MBP: variants seen among roughly 807,000 people sequenced by gnomAD.
MBP encodes the protein myelin basic protein.
A neutral mutation model predicts 35.8 loss-of-function variants in MBP; 16 were observed. That is an observed-to-expected ratio of 0.45 (90% CI 0.30 to 0.68). The LOEUF is 0.68. MBP is among the 30% of genes least tolerant of loss of function. The pLI, the probability that MBP is intolerant of heterozygous loss-of-function variation, is 0.08. For synonymous variants in MBP, 143 were observed against 159.6 expected (o/e 0.90, Z 0.78); for missense variants, 380 against 404.7 (o/e 0.94, Z 0.52).
intron 2 of MBP, among the ~76,000 whole-genome samples, chr18:77,092,923 C>T (rs937499016): frequency 7.2e-5 from 11 of 152,228 alleles, no homozygotes; most frequent in African/African-American, 2.7e-4. Flanking sequence ...TTCGCTGTTT[C>T]TGACTTCACA....
chr18:77,089,035 G>T (rs1185078068), intron 2 of MBP, among the ~76,000 whole-genome samples: 1 of 152,244 alleles, frequency 6.6e-6, no homozygotes, highest in Non-Finnish European at 1.5e-5. Flanking sequence ...TTGCATCACA[G>T]GCCTTGGTTC....
intron 8 of MBP, chr18:76,980,869 A>C: frequency 5.0e-6 from 1 of 200,266 alleles, no homozygotes; most frequent in South Asian, 8.6e-5. Flanking sequence ...AACAGGAGCA[A>C]CTTCTTTTTC....
intron 2 of MBP, among the ~76,000 whole-genome samples, chr18:77,098,995 C>T (rs1027229506): frequency 2.6e-5 from 4 of 151,772 alleles, no homozygotes; most frequent in African/African-American, 7.3e-5. Flanking sequence ...CCCTCCTCTC[C>T]ATCCTCCCCG....
chr18:77,081,419 A>C lies in MBP; in HGVS notation c.52-15034T>G, dbSNP rs552535051. Among the ~76,000 whole-genome samples the C allele has an allele frequency of 2.6e-5, 4 of 152,380 alleles. No individual in the cohort carries two copies. The East Asian group carries it at 7.7e-4, about 29-fold the overall frequency. On this transcript the variant is annotated intron_variant, in intron 2 of 8. Transcript: ENST00000355994. ...AATTTGAATAGACATTTCTTTAAAA[A>C]AGATACACAAATGACCAGTTAGCAC...
rs187721340 is a variant in MBP at position 77,090,881 on chromosome 18, C to A, written c.51+14330G>T. ...TTCCCCTGGAGGAGAAGAGAAGGGG[C>A]GACCTCACACAGGACCAGGGCCGGA... On this transcript the variant is annotated intron_variant, in intron 2 of 8. Transcript: ENST00000355994. 4.6e-5 allele frequency among the ~76,000 whole-genome samples: 7 copies of A among 152,272 alleles called. No individual in the cohort carries two copies. The East Asian group carries it at 1.3e-3, about 29-fold the overall frequency.
chr18:77,058,632 C>A (rs1364072276), intron 3 of MBP, among the ~76,000 whole-genome samples: 3 of 152,136 alleles, frequency 2.0e-5, no homozygotes, highest in Non-Finnish European at 4.4e-5. Context: ...TGGAACACGG[C>A]CGCAGTGACT....
chr18:77,062,918 G>C (rs73489013), intron 3 of MBP, among the ~76,000 whole-genome samples: 2,034 of 152,270 alleles, frequency 0.013, 52 homozygotes, highest in African/African-American at 0.047. Flanking sequence ...ATGGCTTTCT[G>C]CCCATTTCTC....
At chr18:77,024,588 C>T (rs1248425330) in intron 3 of MBP, among the ~76,000 whole-genome samples, 2 of 152,230 alleles carry the variant, frequency 1.3e-5, no homozygotes, top group African/African-American at 4.8e-5. Flanking sequence ...GACCGCCTTC[C>T]ACAAGCCCCA....
intron 3 of MBP, among the ~76,000 whole-genome samples, chr18:77,029,759 A>T (rs1014233235): frequency 8.0e-5 from 12 of 150,748 alleles, no homozygotes; most frequent in Non-Finnish European, 1.3e-4. Context: ...TGAGTGTTCT[A>T]TGTTCCCATA....
intron 3 of MBP, among the ~76,000 whole-genome samples, chr18:77,051,624 T>C (rs542336767): frequency 6.6e-6 from 1 of 151,772 alleles, no homozygotes; most frequent in South Asian, 2.1e-4. Flanking sequence ...CTAAGAAGAG[T>C]TGAGGGTTCT....
Position 76,988,571 on chromosome 18 carries a change from A to C in MBP, c.718-44T>G. 14 of 1,591,964 alleles carry C rather than the reference A, an allele frequency of 8.8e-6. No homozygotes were observed. The highest frequency in any genetic ancestry group is 1.1e-5 in the Non-Finnish European group (13 of 1,168,358). On this transcript the variant is annotated intron_variant, in intron 6 of 8. Coordinates refer to ENST00000355994, the MANE Select transcript of MBP (RefSeq NM_001025101.2). This position sits in a 1 kb window ranked among gnomAD's most constrained non-coding sequence, Gnocchi z 5.2. ...GAAATAATGACATGGTGGTCAGTGAAGGGAAAGTCCTTTCAATCAACAGGA... is the reference window on the plus strand; with the variant it reads ...GAAATAATGACATGGTGGTCAGTGACGGGAAAGTCCTTTCAATCAACAGGA...
chr18:76,978,881 A>ACTT lies in MBP; in HGVS notation c.*1543_*1545dup, dbSNP rs1272599278. 2 of 152,184 alleles carry ACTT rather than the reference A, an allele frequency of 1.3e-5. No homozygotes were observed. Among genetic ancestry groups the ACTT allele is most frequent in the Non-Finnish European group, 2.9e-5 (2 of 68,054 alleles). The allele number at this position is 152,184 out of a possible 1,614,324, so 9.4% of individuals were successfully genotyped here. On this transcript the variant is annotated 3_prime_UTR_variant, in exon 9 of 9. Transcript: ENST00000355994. ...ATTTCAATATTCAGGAACAGTGTAC[A>ACTT]CTTTCCGTTCAGCCATCGTCACAGC...
chr18:77,118,732 C>T (rs572284012), intron 1 of MBP, among the ~76,000 whole-genome samples: 20 of 149,882 alleles, frequency 1.3e-4, no homozygotes, highest in Non-Finnish European at 1.2e-4. Context: ...ACCACACACA[C>T]CCTTCACAGA....
chr18:76,985,592 C>T (rs1318536698), intron 7 of MBP: 5 of 1,081,426 alleles, frequency 4.6e-6, no homozygotes, highest in African/African-American at 3.3e-5. Flanking sequence ...GCTGCTGAGC[C>T]GGACAGAGGG....
chr18:77,089,073 A>ACGGGCCCTCCACAGG (rs1975396525), intron 2 of MBP, among the ~76,000 whole-genome samples: 2 of 152,242 alleles, frequency 1.3e-5, no homozygotes, highest in African/African-American at 4.8e-5. Context: ...TTATTCACGT[A>ACGGGCCCTCCACAGG]GCCTGTCACA....
chr18:77,127,855 A>C (rs1417470750), intron 1 of MBP: 3 of 150,996 alleles, frequency 2.0e-5, no homozygotes, highest in Non-Finnish European at 2.9e-5. Flanking sequence ...AGAAGAGCTA[A>C]AATAATAAAA....
intron 3 of MBP, among the ~76,000 whole-genome samples, chr18:77,018,371 C>T (rs1234800685): frequency 2.3e-5 from 2 of 86,698 alleles, no homozygotes; most frequent in Non-Finnish European, 6.6e-5. Flanking sequence ...TACCCACCTA[C>T]CCATCCATCC....
intron 4 of MBP, among the ~76,000 whole-genome samples, chr18:77,008,201 C>T (rs1176968415): frequency 1.3e-5 from 2 of 152,198 alleles, no homozygotes; most frequent in Non-Finnish European, 2.9e-5. Context: ...TTCCTGCACA[C>T]ACAGTGAAAA....
chr18:77,009,755 G>A (rs1211916150), intron 4 of MBP: 19 of 1,156,484 alleles, frequency 1.6e-5, no homozygotes, highest in Non-Finnish European at 2.3e-5. Flanking sequence ...GCCCCTGGCA[G>A]TGACACTACC....
Sources: gnomAD v4.1 joint callset for allele counts (sites outside exome capture counted in the v4.1 genomes callset) on GRCh38, gnomAD v4.1.1 for gene constraint, Gnocchi (gnomAD v3.1) non-coding constraint, MANE v1.5 for transcripts, NCBI Gene and HGNC (gene_info 2026-07-23, HGNC 2026-07-21) for gene names.